The following ECEL1 variants were observed in gnomAD, a reference collection of about 807,000 sequenced individuals.
The protein encoded by ECEL1 is endothelin-converting enzyme-like 1.
Under a neutral mutation model 101.8 loss-of-function variants are expected in ECEL1, and 87 were observed. That is an observed-to-expected ratio of 0.85 (90% CI 0.72 to 1.02). The LOEUF is 1.02. Among genes scored for constraint, ECEL1 ranks in the 50% least tolerant of loss-of-function variants. ECEL1 has a pLI of 0.00. For synonymous variants in ECEL1, 487 were observed against 468.7 expected (o/e 1.04, Z -0.50); for missense variants, 1,032 against 1,079.2 (o/e 0.96, Z 0.61).
chr2:232,485,490 C>G (rs2106185971), intron 2 of ECEL1, among the ~76,000 whole-genome samples: 1 of 152,330 alleles, frequency 6.6e-6, no homozygotes, highest in South Asian at 2.1e-4. Flanking sequence ...TACGTCTGCA[C>G]TTTCCTTATC....
At position 232,483,097 on chromosome 2, in the gene ECEL1, G is replaced by A. The variant is rs770974424; in HGVS notation, c.1581+8C>T. 9 of 1,609,178 alleles carry A rather than the reference G, an allele frequency of 5.6e-6. No homozygotes were observed. Among genetic ancestry groups the A allele is most frequent in the Non-Finnish European group, 7.6e-6 (9 of 1,178,066 alleles). On this transcript the variant is annotated splice_region_variant and intron_variant, in intron 9 of 17. Transcript: ENST00000304546. ...TGGACAGGCTGGGCAGGCAGGGTCA[G>A]GGCCCACCTCATACTCCTTGTCCAC...
At position 232,481,646 on chromosome 2, in the gene ECEL1, C is replaced by T. The variant is rs1690581236; in HGVS notation, c.1865-16G>A. ...TACTGGCCCCCTGTGGGCAGTGCAG[C>T]AGGCTGAGACCCACCCTCACCTGAG... On this transcript the variant is annotated splice_polypyrimidine_tract_variant and intron_variant, in intron 13 of 17. Transcript: ENST00000304546. 6.2e-7 allele frequency: 1 copy of T among 1,612,402 alleles called. No individual in the cohort carries two copies. The highest frequency in any genetic ancestry group is 1.1e-5 in the South Asian group (1 of 91,060).
chr2:232,482,662 C>T, intron 10 of ECEL1, 54 bp from the exon 11 acceptor site: 1 of 1,571,690 alleles, frequency 6.4e-7, no homozygotes, highest in Non-Finnish European at 8.7e-7. Flanking sequence ...CCCCGCTACC[C>T]TCACATCACA....
In ECEL1 at chr2:232,481,507, C is replaced by T. The variant is rs558915148; in HGVS notation, c.1988G>A (p.Arg663Gln). ...ACAAGGGGCAGGTGGGGGTCTCACCCGCTGGTTGTAGACAGTGAAGTTGTC... is the reference window on the plus strand; with the variant it reads ...ACAAGGGGCAGGTGGGGGTCTCACCTGCTGGTTGTAGACAGTGAAGTTGTC... ...LYDNFTVYNQ[R>Q]VNGKHTLGEN... The change falls in exon 14 of 18, where the codon CGG (arginine) becomes CAG (glutamine). Residue 663 changes from arginine (R) to glutamine (Q), a missense_variant and splice_region_variant. Transcript: ENST00000304546. The T allele has an allele frequency of 2.1e-5, 33 of 1,607,690 alleles. No individual in the cohort carries two copies. The highest frequency in any genetic ancestry group is 2.0e-4 in the East Asian group (9 of 44,474).
chr2:232,480,608 G>T, intron 16 of ECEL1, 110 bp downstream of exon 16: 1 of 1,497,124 alleles, frequency 6.7e-7, no homozygotes, highest in Non-Finnish European at 9.2e-7. Context: ...CGGGACAGGT[G>T]ATGACAGACA....
chr2:232,486,330 G>A lies in ECEL1; in HGVS notation c.324C>T (p.Ala108=), dbSNP rs758385609. ...CCAGGTTGGCGGCCAGGAAGCGAGC[G>A]GCGCGCGCGAAGGCCTTGCGCTCAG... The part of the protein sequence containing the change: ...GCPERKAFAR[A]ARFLAANLDA... The change falls in exon 2 of 18, where the codon GCC becomes GCT. Residue 108 remains alanine, a synonymous_variant. Transcript: ENST00000304546. 6.4e-7 allele frequency: 1 copy of A among 1,566,830 alleles called. No homozygotes were observed. The highest frequency in any genetic ancestry group is 1.2e-5 in the South Asian group (1 of 86,822).
In ECEL1 at chr2:232,485,210, C is replaced by T. The variant is rs1448162943; in HGVS notation, c.844G>A (p.Asp282Asn). The T allele has an allele frequency of 1.9e-6, 3 of 1,613,696 alleles. No individual in the cohort carries two copies. The highest frequency in any genetic ancestry group is 1.7e-5 in the Admixed American group (1 of 60,022). The change falls in exon 3 of 18, where the codon GAC becomes AAC. Residue 282 changes from aspartate (D) to asparagine (N), a missense_variant. Physicochemically the swap from Asp to Asn is conservative, Grantham distance 23 (BLOSUM62 1). Coordinates refer to ENST00000304546, the MANE Select transcript of ECEL1 (RefSeq NM_004826.4). ...ERTLYLAQDE[D>N]SEKILAAYRV... ...CCATGCCCCAGCACCTTCTCACTGT[C>T]CTCATCCTGAGCGAGGTACAGGGTC...
At position 232,484,267 on chromosome 2, in the gene ECEL1, T is replaced by G. The variant is rs762460578; in HGVS notation, c.1185-44A>C. 1.9e-6 allele frequency: 3 copies of G among 1,590,866 alleles called. No individual in the cohort carries two copies. The Admixed American group carries it at 5.1e-5, about 27-fold the overall frequency. On this transcript the variant is annotated intron_variant, in intron 6 of 17. Transcript: ENST00000304546. ...CAGTGGGTGTCCAGACGGACATGCA[T>G]GTGGGCCACCAAGGGCACCACCCCT...
rs545136027 is a variant in ECEL1 at position 232,486,477 on chromosome 2, C to G, written c.177G>C (p.Glu59Asp). The G allele has an allele frequency of 1.4e-6, 2 of 1,427,234 alleles. No individual in the cohort carries two copies. The highest frequency in any genetic ancestry group is 6.2e-5 in the Admixed American group (2 of 32,038). The allele number at this position is 1,427,234 out of a possible 1,614,324, so 88.4% of individuals were successfully genotyped here. A position where few individuals can be genotyped will look rare whatever the true frequency, so the allele number is the denominator to read the frequency against. ...ACACCAGCCCCGACAGCAGGCACAC[C>G]TCGCGCCGGTTCCAGCGCGGCAGCC... Reference protein sequence around the residue: ...RSGLPRWNRREVCLLSGLVFA... With the variant: ...RSGLPRWNRRDVCLLSGLVFA... The change falls in exon 2 of 18, where the codon GAG becomes GAC. Residue 59 changes from glutamate to aspartate, a missense_variant. Physicochemically the swap from Glu to Asp is conservative, Grantham distance 45. Transcript: ENST00000304546.
At chr2:232,485,748 T>A in intron 2 of ECEL1, 120 bp downstream of exon 2, 1 of 1,315,684 alleles carries the variant, frequency 7.6e-7, no homozygotes, top group Non-Finnish European at 1.0e-6. Flanking sequence ...TCCCCTCTCC[T>A]GCTCGTCTCT....
At chr2:232,482,708 T>A in intron 10 of ECEL1, 100 bp from the exon 11 acceptor site, 1 of 1,508,702 alleles carries the variant, frequency 6.6e-7, no homozygotes, top group East Asian at 2.3e-5. Context: ...AGTCTGGGGG[T>A]CACCCTGCCG....
At chr2:232,485,448 T>C (rs1403403712) in intron 2 of ECEL1, among the ~76,000 whole-genome samples, 181 bp from the exon 3 acceptor site, 3 of 152,172 alleles carry the variant, frequency 2.0e-5, no homozygotes, top group Non-Finnish European at 4.4e-5. Context: ...TCCCTGACTG[T>C]CCCAGCCTGC....
chr2:232,486,566 C>T lies in ECEL1; in HGVS notation c.88G>A (p.Gly30Arg), dbSNP rs1418713071. 3 of 1,376,344 alleles carry T rather than the reference C, an allele frequency of 2.2e-6. No individual in the cohort carries two copies. The highest frequency in any genetic ancestry group is 2.8e-6 in the Non-Finnish European group (3 of 1,068,644). 85.3% of individuals were successfully genotyped at this position (1,376,344 alleles called of 1,614,324 possible). ...VSRCGAGGAR[G>R]ASLPPGFPLG... ...GGGAAGCCCGGGGGCAGGGAGGCCC[C>T]GCGCGCGCCCCCCGCGCCGCAGCGG... The change falls in exon 2 of 18, where the codon GGG (glycine) becomes AGG (arginine). Residue 30 changes from glycine to arginine, a missense_variant. Gly to Arg is a moderately radical substitution (Grantham distance 125). Transcript: ENST00000304546.
rs779202009 is a variant in ECEL1 at position 232,482,596 on chromosome 2, G to A, written c.1698C>T (p.Pro566=). The change falls in exon 11 of 18, where the codon CCC becomes CCT. Residue 566 remains proline, a synonymous_variant. Coordinates refer to ENST00000304546, the MANE Select transcript of ECEL1 (RefSeq NM_004826.4). ...QEVDKSTWLL[P]PQALNAYYLP... ...GATAGTAGGCATTGAGCGCCTGTGG[G>A]GGGAGCAGCCACCTGTGGAGGGATG... 1.2e-6 allele frequency: 2 copies of A among 1,612,578 alleles called. No homozygotes were observed. Among genetic ancestry groups the A allele is most frequent in the Non-Finnish European group, 1.7e-6 (2 of 1,179,394 alleles).
chr2:232,484,879 C>T lies in ECEL1; in HGVS notation c.981G>A (p.Glu327=). ...TGACATCTCGCCGTAGGTCGTCATG[C>T]TCTGACACAGTGATCTGTGGGGAGA... ...EQQLANITVS[E]HDDLRRDVSS... is the part of the protein sequence containing the mutation. Residue 327 remains glutamate, a synonymous_variant, in exon 5 of 18, where the codon GAG becomes GAA. Coordinates refer to ENST00000304546, the MANE Select transcript of ECEL1 (RefSeq NM_004826.4). 2 of 1,613,686 alleles carry T rather than the reference C, an allele frequency of 1.2e-6. No individual in the cohort carries two copies. Among genetic ancestry groups the T allele is most frequent in the Non-Finnish European group, 8.5e-7 (1 of 1,179,946 alleles).
At position 232,485,859 on chromosome 2, in the gene ECEL1, C is replaced by A; in HGVS notation, c.786+9G>T. ...GGCCGCTGGCAGGGCGCTCAGGGGG[C>A]GCACTCACGCGGATGACGTAGCGCG... On this transcript the variant is annotated intron_variant, in intron 2 of 17. Coordinates refer to ENST00000304546, the MANE Select transcript of ECEL1 (RefSeq NM_004826.4). The A allele has an allele frequency of 6.5e-7, 1 of 1,546,210 alleles. No individual in the cohort carries two copies. Among genetic ancestry groups the A allele is most frequent in the Non-Finnish European group, 8.7e-7 (1 of 1,150,050 alleles).
chr2:232,480,879 T>A (rs1690560476), intron 15 of ECEL1, 66 bp from the exon 16 acceptor site: 2 of 1,484,998 alleles, frequency 1.3e-6, no homozygotes, highest in Admixed American at 4.0e-5. Context: ...TTCTCTGTCC[T>A]CCATCTAGGT....
intron 2 of ECEL1, among the ~76,000 whole-genome samples, chr2:232,485,539 A>G (rs933267656): frequency 6.6e-6 from 1 of 151,958 alleles, no homozygotes; most frequent in Non-Finnish European, 1.5e-5. Flanking sequence ...GACAGTTGGG[A>G]CCCCTAGCTT....
chr2:232,483,312 TC>T, intron 8 of ECEL1, 103 bp downstream of exon 8: 1 of 1,485,416 alleles, frequency 6.7e-7, no homozygotes, highest in Non-Finnish European at 9.2e-7. Context: ...GCAGGCCTGG[TC>T]AACTCCACGA....
Sources: allele counts gnomAD v4.1 joint callset (sites outside exome capture counted in the v4.1 genomes callset), GRCh38; gene constraint gnomAD v4.1.1; transcripts MANE v1.5; gene names NCBI Gene and HGNC (gene_info 2026-07-23, HGNC 2026-07-21).